The following PHF24 variants were observed in gnomAD, a reference collection of about 807,000 sequenced individuals.
PHF24 encodes the protein PHD finger protein 24.
A neutral mutation model predicts 42.6 loss-of-function variants in PHF24; 25 were observed. The observed-to-expected ratio is 0.59, with a 90% CI of 0.43 to 0.82. The LOEUF is 0.82. PHF24 is among the 40% of genes least tolerant of loss of function. The pLI is 0.00. For synonymous variants in PHF24, 185 were observed against 204.8 expected (o/e 0.90, Z 0.83); for missense variants, 470 against 538.1 (o/e 0.87, Z 1.25).
At chr9:34,749,706 T>C in the PHF24 span, among the ~76,000 whole-genome samples, 1 of 151,948 alleles carries the variant, frequency 6.6e-6, no homozygotes, top group East Asian at 1.9e-4. Context: ...GCTGCACCTA[T>C]CAACCTGTTA....
chr9:34,974,233 A>G (rs1827107836), intron 3 of PHF24, among the ~76,000 whole-genome samples: 1 of 152,152 alleles, frequency 6.6e-6, no homozygotes, highest in Non-Finnish European at 1.5e-5. Flanking sequence ...CTATCATATA[A>G]TCTGACATCT....
the PHF24 span, among the ~76,000 whole-genome samples, chr9:34,789,927 G>T: frequency 6.6e-6 from 1 of 152,250 alleles, no homozygotes; most frequent in South Asian, 2.1e-4. Context: ...ACTCACTGCA[G>T]CCTCAAACTC....
Position 34,958,363 on chromosome 9 carries a change from C to T in PHF24, c.-43C>T, listed in dbSNP as rs548142626. On this transcript the variant is annotated 5_prime_UTR_variant, in exon 1 of 8. Coordinates refer to ENST00000242315, the Ensembl canonical transcript of PHF24. This position sits in a 1 kb window ranked among gnomAD's most constrained non-coding sequence, Gnocchi z 4.5. ...CGCGGGGCCCGCGGTGTGTAGAGTC[C>T]GCCGCCCCGGAGCCGCGTCCCGCAC... is the stretch of plus-strand genomic sequence containing the variant. 6.6e-6 allele frequency: 1 copy of T among 152,280 alleles called. No homozygotes were observed. Among genetic ancestry groups the T allele is most frequent in the South Asian group, 1.8e-4 (1 of 5,408 alleles). 9.4% of individuals were successfully genotyped at this position (152,280 alleles called of 1,614,324 possible).
At chr9:34,726,957 G>T in the PHF24 span, 3 of 1,550,520 alleles carry the variant, frequency 1.9e-6, no homozygotes, top group Admixed American at 3.9e-5. Flanking sequence ...AGGATTCGCC[G>T]CACACTTCTC....
At chr9:34,783,116 T>C in the PHF24 span, among the ~76,000 whole-genome samples, 83,000 of 151,992 alleles carry the variant, frequency 0.55, 24,179 homozygotes, top group Middle Eastern at 0.65. Flanking sequence ...TCTGTTTAAA[T>C]TCACTTTGGA....
At chr9:34,898,733 A>G in the PHF24 span, among the ~76,000 whole-genome samples, 1 of 152,192 alleles carries the variant, frequency 6.6e-6, no homozygotes, top group African/African-American at 2.4e-5. Context: ...GCCACCCTCT[A>G]TGCAGCTGTA....
the PHF24 span, among the ~76,000 whole-genome samples, chr9:34,678,582 G>A: frequency 8.6e-5 from 13 of 151,938 alleles, no homozygotes; most frequent in East Asian, 9.6e-4. Flanking sequence ...TGATCCGCCC[G>A]CCTAGGCATC....
At chr9:34,965,796 A>C (rs777726235) in intron 1 of PHF24, among the ~76,000 whole-genome samples, 1 of 152,226 alleles carries the variant, frequency 6.6e-6, no homozygotes, top group Non-Finnish European at 1.5e-5. Context: ...TCTTTGTTCA[A>C]TAACTTTTAT....
chr9:34,908,106 G>T, the PHF24 span, among the ~76,000 whole-genome samples: 2 of 152,212 alleles, frequency 1.3e-5, no homozygotes, highest in Non-Finnish European at 2.9e-5. Flanking sequence ...CTCCCAAAGT[G>T]CTGGGATTAT....
At chr9:34,735,830 C>A in the PHF24 span, among the ~76,000 whole-genome samples, 1 of 150,998 alleles carries the variant, frequency 6.6e-6, no homozygotes, top group Non-Finnish European at 1.5e-5. Flanking sequence ...AAGCAATTAA[C>A]ATAACCAGAC....
chr9:34,715,688 G>A, the PHF24 span, among the ~76,000 whole-genome samples: 2 of 152,164 alleles, frequency 1.3e-5, no homozygotes, highest in African/African-American at 4.8e-5. Flanking sequence ...GATAAAGGAG[G>A]TACACATGGC....
the PHF24 span, among the ~76,000 whole-genome samples, chr9:34,913,048 A>G: frequency 6.6e-6 from 1 of 152,164 alleles, no homozygotes; most frequent in African/African-American, 2.4e-5. Flanking sequence ...TATCTGAAAT[A>G]AAATATTTAC....
the PHF24 span, among the ~76,000 whole-genome samples, chr9:34,844,256 T>C: frequency 5.9e-5 from 9 of 152,132 alleles, no homozygotes; most frequent in African/African-American, 2.2e-4. Flanking sequence ...CTTTTGTTCA[T>C]ATTTTTTGTT....
the PHF24 span, among the ~76,000 whole-genome samples, chr9:34,767,221 G>A: frequency 3.3e-5 from 5 of 152,212 alleles, no homozygotes; most frequent in African/African-American, 1.2e-4. Flanking sequence ...CAGAACCACT[G>A]CTCTCTTCAA....
chr9:34,916,376 A>G, the PHF24 span, among the ~76,000 whole-genome samples: 1 of 152,210 alleles, frequency 6.6e-6, no homozygotes. Context: ...AAGGGTGATG[A>G]TGCTGAGGTG....
intron 6 of PHF24, 79 bp from the exon 7 acceptor site, chr9:34,977,467 G>C: frequency 7.0e-7 from 1 of 1,426,566 alleles, no homozygotes; most frequent in Admixed American, 1.9e-5. Flanking sequence ...CATGTCCAGA[G>C]CCTTGGGCTT....
intron 5 of PHF24, 90 bp from the exon 6 acceptor site, chr9:34,976,993 T>C: frequency 1.4e-6 from 2 of 1,411,624 alleles, no homozygotes; most frequent in East Asian, 2.3e-5. Context: ...CTAAGGGAGG[T>C]TGCAAAGGTG....
At chr9:34,805,832 T>C in the PHF24 span, among the ~76,000 whole-genome samples, 3 of 152,228 alleles carry the variant, frequency 2.0e-5, no homozygotes, top group Admixed American at 1.3e-4. Context: ...TCTAAGAGTT[T>C]TATAGTTTTA....
chr9:34,765,095 T>G, the PHF24 span, among the ~76,000 whole-genome samples: 22 of 151,808 alleles, frequency 1.4e-4, no homozygotes, highest in Admixed American at 5.2e-4. Flanking sequence ...TCTTTTACAT[T>G]TGCTGAGGAG....
Sources: gnomAD v4.1 joint callset for allele counts (sites outside exome capture counted in the v4.1 genomes callset) on GRCh38, gnomAD v4.1.1 for gene constraint, Gnocchi (gnomAD v3.1) non-coding constraint, MANE v1.5 for transcripts, NCBI Gene and HGNC (gene_info 2026-07-23, HGNC 2026-07-21) for gene names.